The following RGS12 variants were observed in gnomAD, a reference collection of about 807,000 sequenced individuals.
RGS12 encodes the protein regulator of G-protein signaling 12.
Under a neutral mutation model 120.1 loss-of-function variants are expected in RGS12, and 66 were observed. That is an observed-to-expected ratio of 0.55 (90% confidence interval 0.45 to 0.67). The LOEUF (loss-of-function observed/expected upper bound fraction) is 0.67. Among genes scored for constraint, RGS12 ranks in the 30% least tolerant of loss-of-function variants. RGS12 has a pLI of 0.00. For synonymous variants in RGS12, 827 were observed against 804.7 expected (o/e 1.03, Z -0.47); for missense variants, 1,859 against 1,957.7 (o/e 0.95, Z 0.95).
chr4:3,299,936 G>A (rs1466432865), intron 1 of RGS12, among the ~76,000 whole-genome samples: 2 of 152,244 alleles, frequency 1.3e-5, no homozygotes, highest in African/African-American at 2.4e-5. Flanking sequence ...CTCACTGAGG[G>A]TGGGAGGAAA....
rs112147959 is a variant in RGS12, at chr4:3,394,598, C to T, written c.2020+8161C>T. Among the ~76,000 whole-genome samples, 780 of 152,328 alleles carry T rather than the reference C, an allele frequency of 5.1e-3. 4 individuals are homozygous for T. The highest frequency in any genetic ancestry group is 8.4e-3 in the Non-Finnish European group (573 of 68,030). On this transcript the variant is annotated intron_variant, in intron 4 of 17. Transcript: ENST00000336727. ...AGGTGGCTCTATTCTGCTCACATTT[C>T]GTGACACTATTTAAACACTTCAGAT...
Position 3,439,710 on chromosome 4 carries a change from T to G in RGS12, c.*26T>G. ...GCTGCCCTGGCCTGGCCAACTCTCC[T>G]GTGGACATGTCGGGGTGGGGCAGCC... On this transcript the variant is annotated 3_prime_UTR_variant, in exon 18 of 18. Coordinates refer to ENST00000336727, the MANE Select transcript of RGS12 (RefSeq NM_001394154.1). 1 of 1,464,086 alleles carries G rather than the reference T, an allele frequency of 6.8e-7. No individual in the cohort carries two copies. Among genetic ancestry groups the G allele is most frequent in the Non-Finnish European group, 9.1e-7 (1 of 1,104,118 alleles). 90.7% of individuals were successfully genotyped at this position (1,464,086 alleles called of 1,614,324 possible).
intron 14 of RGS12, 29 bp from the exon 15 acceptor site, chr4:3,428,061 C>G (rs898143677): frequency 1.2e-6 from 2 of 1,602,698 alleles, no homozygotes; most frequent in South Asian, 2.2e-5. Flanking sequence ...TTGCGAGTCC[C>G]TGAAGTCATA....
chr4:3,334,274 T>G (rs1002210749), intron 2 of RGS12, among the ~76,000 whole-genome samples: 2 of 152,226 alleles, frequency 1.3e-5, no homozygotes, highest in African/African-American at 2.4e-5. Flanking sequence ...GCTGTTTTCT[T>G]TGTTATTTTG....
chr4:3,369,940 C>A (rs1716790890), intron 3 of RGS12: 5 of 1,001,076 alleles, frequency 5.0e-6, no homozygotes, highest in Non-Finnish European at 6.2e-6. Flanking sequence ...CTAAAAAAAA[C>A]AAATTCTCTG....
At chr4:3,402,619 G>A (rs1720709611) in intron 4 of RGS12, among the ~76,000 whole-genome samples, 1 of 152,018 alleles carries the variant, frequency 6.6e-6, no homozygotes, top group Admixed American at 6.5e-5. Flanking sequence ...GGGCCCCTGG[G>A]CTTCTGCATT....
At chr4:3,410,236 G>A (rs905512026) in intron 4 of RGS12, among the ~76,000 whole-genome samples, 1 of 152,194 alleles carries the variant, frequency 6.6e-6, no homozygotes, top group African/African-American at 2.4e-5. Context: ...GGAATAGCTG[G>A]GACCACAGGT....
At chr4:3,340,701 G>T (rs907605252) in intron 2 of RGS12, among the ~76,000 whole-genome samples, 11 of 152,338 alleles carry the variant, frequency 7.2e-5, no homozygotes, top group Admixed American at 4.6e-4. Flanking sequence ...CTGATTTACA[G>T]AAGGCAGGAG....
intron 2 of RGS12, among the ~76,000 whole-genome samples, 187 bp downstream of exon 2, chr4:3,318,238 G>T (rs988955032): frequency 3.3e-5 from 5 of 152,156 alleles, no homozygotes; most frequent in Non-Finnish European, 7.3e-5. Flanking sequence ...GGGACCTCTT[G>T]CCCCCTGCCC....
chr4:3,321,690 C>T (rs1725203303), intron 2 of RGS12, among the ~76,000 whole-genome samples: 1 of 152,304 alleles, frequency 6.6e-6, no homozygotes, highest in Middle Eastern at 3.4e-3. Flanking sequence ...GCAGCTCCGG[C>T]CTGGACAGCC....
At chr4:3,393,276 G>C (rs1719690121) in intron 4 of RGS12, among the ~76,000 whole-genome samples, 1 of 152,228 alleles carries the variant, frequency 6.6e-6, no homozygotes, top group Non-Finnish European at 1.5e-5. Flanking sequence ...CCCTGACCCT[G>C]TGTGAGTTCT....
At chr4:3,364,347 T>C (rs966716937) in intron 3 of RGS12, among the ~76,000 whole-genome samples, 4 of 152,288 alleles carry the variant, frequency 2.6e-5, no homozygotes, top group African/African-American at 9.6e-5. Flanking sequence ...CTGAGCTTCC[T>C]GGCACTGGGC....
chr4:3,422,890 C>T lies in RGS12; in HGVS notation c.3034-15C>T, dbSNP rs1723185400. The T allele has an allele frequency of 1.2e-5, 20 of 1,611,798 alleles. No homozygotes were observed. Among genetic ancestry groups the T allele is most frequent in the Non-Finnish European group, 1.6e-5 (19 of 1,178,794 alleles). On this transcript the variant is annotated splice_polypyrimidine_tract_variant and intron_variant, in intron 11 of 17. Coordinates refer to ENST00000336727, the MANE Select transcript of RGS12 (RefSeq NM_001394154.1). ...CTGCTGTGCCCACGTTGATTCTGGT[C>T]TCTCTGTTCCTCAGCCTCTGGTGCT...
At chr4:3,337,673 C>T (rs370872738) in intron 2 of RGS12, among the ~76,000 whole-genome samples, 3 of 151,640 alleles carry the variant, frequency 2.0e-5, no homozygotes, top group African/African-American at 7.3e-5. Context: ...AGACAGAAAG[C>T]GGGAGAGGGG....
At chr4:3,401,503 A>G (rs549505946) in intron 4 of RGS12, among the ~76,000 whole-genome samples, 2 of 152,350 alleles carry the variant, frequency 1.3e-5, no homozygotes, top group East Asian at 3.9e-4. Flanking sequence ...CCAGCTTTAT[A>G]GGAAAGTTAA....
Position 3,365,507 on chromosome 4 carries a change from T to C in RGS12, c.1999-20909T>C, listed in dbSNP as rs1302523626. ...CTGTGATCTTGCCCATCCAGAGCTG[T>C]AAATCCCAGCAAAAACCGACGGAGC... On this transcript the variant is annotated intron_variant, in intron 3 of 17. Transcript: ENST00000336727. This position sits in a 1 kb window ranked among gnomAD's most constrained non-coding sequence, Gnocchi z 4.0. Among the ~76,000 whole-genome samples the C allele has an allele frequency of 6.6e-6, 1 of 152,122 alleles. No homozygotes were observed. The highest frequency in any genetic ancestry group is 1.9e-4 in the East Asian group (1 of 5,178).
At chr4:3,288,766 G>A (rs1722954366), upstream of RGS12, among the ~76,000 whole-genome samples, 1 of 152,216 alleles carries the variant, frequency 6.6e-6, no homozygotes, top group African/African-American at 2.4e-5. The surrounding 1 kb of genome is among the most constrained non-coding windows in gnomAD (Gnocchi z 5.2). Flanking sequence ...GGGACTCTGG[G>A]CCTTTGCACC....
chr4:3,422,657 G>T (rs945173544), intron 11 of RGS12, 87 bp downstream of exon 11: 2 of 1,388,356 alleles, frequency 1.4e-6, no homozygotes, highest in East Asian at 2.4e-5. Context: ...TCCTCAGGCT[G>T]CCCCCTCCTG....
At chr4:3,414,005 G>A (rs986079518) in intron 4 of RGS12, 67 bp from the exon 5 acceptor site, 21 of 1,451,864 alleles carry the variant, frequency 1.4e-5, no homozygotes, top group Admixed American at 6.8e-5. Context: ...TCCTGTGGGC[G>A]GGCAGAGCAG....
Sources: gnomAD v4.1 joint callset for allele counts (sites outside exome capture counted in the v4.1 genomes callset) on GRCh38, gnomAD v4.1.1 for gene constraint, Gnocchi (gnomAD v3.1) non-coding constraint, MANE v1.5 for transcripts, NCBI Gene and HGNC (gene_info 2026-07-23, HGNC 2026-07-21) for gene names.